Variants in MLLT10 observed in about 807,000 individuals in gnomAD.
MLLT10 encodes the protein MLLT10 histone lysine methyltransferase DOT1L cofactor.
Under a neutral mutation model 129.1 loss-of-function variants are expected in MLLT10, and 30 were observed. The ratio of observed to expected loss-of-function variants is 0.23; its 90% CI spans 0.17 to 0.32. The LOEUF (loss-of-function observed/expected upper bound fraction) is 0.32. MLLT10 is among the 10% of genes least tolerant of loss of function. The pLI, the probability that MLLT10 is intolerant of heterozygous loss-of-function variation, is 1.00. For synonymous variants in MLLT10, 490 were observed against 446.4 expected, an observed-to-expected ratio of 1.10 and a Z score of -1.23; for missense variants, 1,119 against 1,268.3, an observed-to-expected ratio of 0.88 and a Z score of 1.79.
At chr10:21,549,305 A>C (rs541929720) in intron 3 of MLLT10, among the ~76,000 whole-genome samples, 1 of 151,912 alleles carries the variant, frequency 6.6e-6, no homozygotes, top group African/African-American at 2.4e-5. Context: ...TTGTATTTTT[A>C]GTAGAGATGG....
At chr10:21,682,672 C>T (rs1190655867) in intron 13 of MLLT10, among the ~76,000 whole-genome samples, 1 of 151,962 alleles carries the variant, frequency 6.6e-6, no homozygotes, top group African/African-American at 2.4e-5. Context: ...TTATTTTACC[C>T]CTGTATTCCA....
chr10:21,687,590 A>G (rs2053430884), intron 13 of MLLT10, among the ~76,000 whole-genome samples: 1 of 152,234 alleles, frequency 6.6e-6, no homozygotes. Flanking sequence ...GTCACATCCT[A>G]GGATACAACA....
At chr10:21,737,053 T>C (rs2058426859) in intron 21 of MLLT10, among the ~76,000 whole-genome samples, 1 of 123,248 alleles carries the variant, frequency 8.1e-6, no homozygotes, top group Non-Finnish European at 1.7e-5. Context: ...GTAAAATGCT[T>C]CTGTGGTAGG....
intron 14 of MLLT10, among the ~76,000 whole-genome samples, chr10:21,715,004 AT>A (rs1287658239): frequency 1.3e-5 from 2 of 151,958 alleles, no homozygotes; most frequent in African/African-American, 4.8e-5. Context: ...GTATGATTTT[AT>A]TTTCATTTCT....
intron 3 of MLLT10, among the ~76,000 whole-genome samples, chr10:21,553,647 T>A (rs1319905463): frequency 1.3e-5 from 2 of 151,288 alleles, no homozygotes; most frequent in Admixed American, 1.3e-4. Context: ...TTCTTTTCCT[T>A]TTCCTTTTCT....
chr10:21,625,626 C>T, intron 8 of MLLT10: 2 of 757,838 alleles, frequency 2.6e-6, no homozygotes. Context: ...ATGACGTCCA[C>T]CAAACCCTCT....
intron 3 of MLLT10, among the ~76,000 whole-genome samples, chr10:21,564,816 C>G (rs1472424959): frequency 6.8e-6 from 1 of 146,226 alleles, no homozygotes; most frequent in Non-Finnish European, 1.5e-5. Flanking sequence ...AAGAGCGAAA[C>G]TCCATCTCAA....
intron 11 of MLLT10, among the ~76,000 whole-genome samples, chr10:21,678,812 T>G (rs1422097802): frequency 6.6e-6 from 1 of 152,176 alleles, no homozygotes; most frequent in Non-Finnish European, 1.5e-5. Context: ...ACGTTTAAGT[T>G]TCTTAGGAAC....
In MLLT10 at chr10:21,678,854, A is replaced by G. The variant is rs57536686; in HGVS notation, c.1622-2478A>G. Among the ~76,000 whole-genome samples the G allele has an allele frequency of 2.6e-3, 390 of 152,304 alleles. 2 individuals carry two copies. Among genetic ancestry groups the G allele is most frequent in the African/African-American group, 8.9e-3 (369 of 41,560 alleles). On this transcript the variant is annotated intron_variant, in intron 11 of 22. Transcript: ENST00000307729. The stretch of plus-strand genomic sequence containing the variant: ...GTTACTCTCTCATTTGATCCTTGGA[A>G]CAGCCTTGTGAAATAGGACAGCTCC...
chr10:21,603,030 C>T (rs1277934799), intron 5 of MLLT10, among the ~76,000 whole-genome samples: 2 of 151,852 alleles, frequency 1.3e-5, no homozygotes, highest in Admixed American at 6.6e-5. Context: ...CTGCGCCCGG[C>T]CTATCTTAAC....
intron 11 of MLLT10, among the ~76,000 whole-genome samples, chr10:21,680,130 T>A (rs1304183291): frequency 2.0e-5 from 3 of 152,154 alleles, no homozygotes; most frequent in Admixed American, 6.5e-5. Context: ...CTGCACCCTC[T>A]GCTTGTTCTT....
intron 3 of MLLT10, chr10:21,557,614 A>G (rs1368058163): frequency 6.6e-6 from 1 of 152,168 alleles, no homozygotes; most frequent in East Asian, 1.9e-4. Flanking sequence ...ATTCTCTCAT[A>G]CTACAGACTC....
At chr10:21,632,388 G>A (rs2047086731) in intron 8 of MLLT10, among the ~76,000 whole-genome samples, 1 of 152,116 alleles carries the variant, frequency 6.6e-6, no homozygotes, top group African/African-American at 2.4e-5. Flanking sequence ...ATAGCATCAT[G>A]GAGATGAAGT....
chr10:21,663,621 A>G (rs187681139), intron 9 of MLLT10, among the ~76,000 whole-genome samples: 4 of 152,082 alleles, frequency 2.6e-5, no homozygotes, highest in Admixed American at 1.3e-4. Context: ...CTGGAGTGCA[A>G]TGGTGTGATC....
In MLLT10 at chr10:21,668,930, C is replaced by G; in HGVS notation, c.796-1519C>G. On this transcript the variant is annotated intron_variant, in intron 9 of 22. Transcript: ENST00000307729. ...AAACTTCACTAGGTCATGCAAGGAT[C>G]AGATGTGAGAGGAATGGAGAACCTC... The G allele has an allele frequency of 4.6e-6, 6 of 1,292,962 alleles. 1 individual carries two copies. Among genetic ancestry groups the G allele is most frequent in the Non-Finnish European group, 6.0e-6 (6 of 999,156 alleles). The allele number at this position is 1,292,962 out of a possible 1,614,324, so 80.1% of individuals were successfully genotyped here. A position where few individuals can be genotyped will look rare whatever the true frequency, so the allele number is the denominator to read the frequency against.
At chr10:21,619,418 T>A (rs1205813058) in intron 8 of MLLT10, among the ~76,000 whole-genome samples, 1 of 152,178 alleles carries the variant, frequency 6.6e-6, no homozygotes, top group East Asian at 1.9e-4. Flanking sequence ...CCCTATCATG[T>A]TATTTGAAGG....
Position 21,735,236 on chromosome 10 carries a change from G to A in MLLT10, c.2955+1G>A. 6.2e-7 allele frequency: 1 copy of A among 1,604,542 alleles called. No individual in the cohort carries two copies. Among genetic ancestry groups the A allele is most frequent in the Non-Finnish European group, 8.5e-7 (1 of 1,172,042 alleles). ...GTTAAATTCTCAACAGCTCACACCA[G>A]TAAGTTCTTTCTTTTGATAATATCT... is the stretch of plus-strand genomic sequence containing the variant. On this transcript the variant is annotated splice_donor_variant, in intron 21 of 22. Coordinates refer to ENST00000307729, the MANE Select transcript of MLLT10 (RefSeq NM_001195626.3). LOFTEE classifies it high-confidence loss of function.
At chr10:21,605,800 T>C (rs940559822) in intron 5 of MLLT10, among the ~76,000 whole-genome samples, 3 of 152,214 alleles carry the variant, frequency 2.0e-5, no homozygotes, top group Non-Finnish European at 4.4e-5. Context: ...GGGCTTACTA[T>C]CTTTATCTTA....
At chr10:21,569,955 G>C (rs1483385155) in intron 3 of MLLT10, among the ~76,000 whole-genome samples, 3 of 151,972 alleles carry the variant, frequency 2.0e-5, no homozygotes, top group Non-Finnish European at 4.4e-5. Flanking sequence ...TGTTGCCCAG[G>C]CTAGAGTGCA....
Sources: gnomAD v4.1 joint callset for allele counts (sites outside exome capture counted in the v4.1 genomes callset) on GRCh38, gnomAD v4.1.1 for gene constraint, MANE v1.5 for transcripts, NCBI Gene and HGNC (gene_info 2026-07-23, HGNC 2026-07-21) for gene names.